The following EML5 variants were observed in gnomAD, a reference collection of about 807,000 sequenced individuals.
EML5 encodes the protein echinoderm microtubule-associated protein-like 5.
Under a neutral mutation model 250.0 loss-of-function variants are expected in EML5, and 120 were observed. The ratio of observed to expected loss-of-function variants is 0.48; its 90% CI spans 0.41 to 0.56. The LOEUF is 0.56. Among genes scored for constraint, EML5 ranks in the 20% least tolerant of loss-of-function variants. The pLI is 0.00. For missense variants in EML5, 2,006 were observed against 2,437.6 expected (o/e 0.82, Z 3.73); for synonymous variants, 771 against 806.5 (o/e 0.96, Z 0.75).
rs545183567 is a variant in EML5, at chr14:88,694,421, C to T, written c.2439-14G>A. 12 of 1,500,720 alleles carry T rather than the reference C, an allele frequency of 8.0e-6. No individual in the cohort carries two copies. The highest frequency in any genetic ancestry group is 2.4e-5 in the East Asian group (1 of 42,434). 93.0% of individuals were successfully genotyped at this position (1,500,720 alleles called of 1,614,324 possible). On this transcript the variant is annotated splice_polypyrimidine_tract_variant and intron_variant, in intron 16 of 43. Transcript: ENST00000554922. ...TCTTTACTTCCTCTGAAATAAACAT[C>T]GAAATGTTTTAGCTCTGAAGATTCA...
chr14:88,726,822 A>G (rs1298921303), intron 7 of EML5, 144 bp from the exon 8 acceptor site: 1 of 670,538 alleles, frequency 1.5e-6, no homozygotes, highest in African/African-American at 1.8e-5. Context: ...CTTATCTATG[A>G]AAATGGGAAT....
intron 21 of EML5, among the ~76,000 whole-genome samples, chr14:88,666,172 T>C (rs528481533): frequency 6.6e-6 from 1 of 152,356 alleles, no homozygotes; most frequent in Non-Finnish European, 1.5e-5. Flanking sequence ...GAGTAGGTTT[T>C]ACCTTTGTAG....
At chr14:88,780,759 G>A (rs768255320) in intron 1 of EML5, among the ~76,000 whole-genome samples, 1 of 152,074 alleles carries the variant, frequency 6.6e-6, no homozygotes, top group Non-Finnish European at 1.5e-5. Flanking sequence ...ATTTTTGGTA[G>A]AGACGGGGTT....
At chr14:88,628,318 A>G (rs1418433099) in intron 33 of EML5, among the ~76,000 whole-genome samples, 1 of 152,104 alleles carries the variant, frequency 6.6e-6, no homozygotes, top group Non-Finnish European at 1.5e-5. Flanking sequence ...ATTTTCAACC[A>G]TACAGATAGA....
At chr14:88,771,239 C>G (rs1205918766) in intron 1 of EML5, among the ~76,000 whole-genome samples, 1 of 152,190 alleles carries the variant, frequency 6.6e-6, no homozygotes, top group Non-Finnish European at 1.5e-5. Flanking sequence ...AGCACAGTTC[C>G]CCCCTATCAA....
At chr14:88,655,019 C>A (rs561309364) in intron 27 of EML5, among the ~76,000 whole-genome samples, 3 of 152,190 alleles carry the variant, frequency 2.0e-5, no homozygotes, top group Middle Eastern at 6.8e-3. Flanking sequence ...GATCCCTTTA[C>A]CATTATGTAA....
rs551888200 is a variant in EML5, at chr14:88,688,278, A to C, written c.2735T>G (p.Leu912Trp). The C allele has an allele frequency of 1.0e-4, 161 of 1,613,824 alleles. 2 individuals are homozygous for C. In the South Asian group the frequency reaches 1.7e-3, roughly 17 times the overall value. The stretch of plus-strand genomic sequence containing the variant: ...TCTCTTTAGGTTACTTACTTTTTCC[A>C]ATGCATGCATACTGAACACTGGCCC... ...HDGPVFSMHA[L>W]EKGFVTGGKD... is the part of the protein sequence containing the mutation. Residue 912 changes from leucine (L) to tryptophan (W), a missense_variant, in exon 18 of 44, where the codon TTG becomes TGG. This residue lies in a region of EML5 where 1,375 missense variants were observed against 1,590.3 expected (regional missense o/e 0.86). Coordinates refer to ENST00000554922, the MANE Select transcript of EML5 (RefSeq NM_183387.3).
intron 1 of EML5, among the ~76,000 whole-genome samples, chr14:88,770,581 A>G (rs2094381221): frequency 6.6e-6 from 1 of 152,062 alleles, no homozygotes; most frequent in South Asian, 2.1e-4. Flanking sequence ...ATTGGATAGG[A>G]GCTGAATGTA....
intron 8 of EML5, among the ~76,000 whole-genome samples, chr14:88,723,236 G>A (rs2093617220): frequency 6.6e-6 from 1 of 152,122 alleles, no homozygotes; most frequent in African/African-American, 2.4e-5. Context: ...AACACAGTGA[G>A]GCCCAGGCTC....
At chr14:88,646,922 G>C in intron 29 of EML5, 25 bp downstream of exon 29, 3 of 1,587,748 alleles carry the variant, frequency 1.9e-6, no homozygotes, top group Non-Finnish European at 2.6e-6. Flanking sequence ...GTTAGGCTTT[G>C]TAAACACAGC....
intron 27 of EML5, among the ~76,000 whole-genome samples, 188 bp from the exon 28 acceptor site, chr14:88,650,114 A>T (rs916062223): frequency 5.9e-5 from 9 of 152,214 alleles, no homozygotes; most frequent in Non-Finnish European, 1.2e-4. Flanking sequence ...AAATACTGGA[A>T]ATTTGACAAA....
intron 21 of EML5, among the ~76,000 whole-genome samples, chr14:88,668,949 G>A (rs1283043731): frequency 6.6e-6 from 1 of 151,962 alleles, no homozygotes; most frequent in South Asian, 2.1e-4. Flanking sequence ...AAAACGGCAA[G>A]TGAATCCTGC....
Position 88,685,048 on chromosome 14 carries a change from C to G in EML5, c.2949G>C (p.Val983=), listed in dbSNP as rs17204164. The change falls in exon 20 of 44, where the codon GTG becomes GTC. Residue 983 remains valine, a synonymous_variant. Transcript: ENST00000554922. ...GAAGTGTTATTGGGCCACTTTTATCCACTTCTAGTATTTCACCATTCTTTG... is the reference window on the plus strand; with the variant it reads ...GAAGTGTTATTGGGCCACTTTTATCGACTTCTAGTATTTCACCATTCTTTG... ...VGTKNGEILE[V]DKSGPITLLV... The G allele has an allele frequency of 6.2e-6, 10 of 1,608,372 alleles. No homozygotes were observed. Among genetic ancestry groups the G allele is most frequent in the Non-Finnish European group, 8.5e-6 (10 of 1,177,288 alleles).
In EML5 at chr14:88,695,349, T is replaced by G; in HGVS notation, c.2438+12A>C. The stretch of plus-strand genomic sequence containing the variant: ...AGTATTTTGCAAATGTGATATCAAG[T>G]TTTTTTCCTACCTTGCTATTGAAAG... On this transcript the variant is annotated intron_variant, in intron 16 of 43. Coordinates refer to ENST00000554922, the MANE Select transcript of EML5 (RefSeq NM_183387.3). 1 of 1,600,994 alleles carries G rather than the reference T, an allele frequency of 6.2e-7. No individual in the cohort carries two copies. Among genetic ancestry groups the G allele is most frequent in the South Asian group, 1.1e-5 (1 of 87,472 alleles).
At chr14:88,779,996 A>T (rs2140751977) in intron 1 of EML5, among the ~76,000 whole-genome samples, 1 of 152,012 alleles carries the variant, frequency 6.6e-6, no homozygotes, top group Admixed American at 6.6e-5. Context: ...GTTGCCCAGG[A>T]TGGAGTACAG....
rs990772938 is a variant in EML5, at chr14:88,770,747, A to G, written c.198-16076T>C. ...CATAATGCCTAGTATATTGCTGAAC[A>G]TATAGTAAAAACTCAACATTTATGG... is the stretch of plus-strand genomic sequence containing the variant. On this transcript the variant is annotated intron_variant, in intron 1 of 43. Coordinates refer to ENST00000554922, the MANE Select transcript of EML5 (RefSeq NM_183387.3). Among the ~76,000 whole-genome samples, 7 of 152,224 alleles carry G rather than the reference A, an allele frequency of 4.6e-5. No homozygotes were observed. In the East Asian group the frequency reaches 1.2e-3, roughly 25 times the overall value.
intron 1 of EML5, among the ~76,000 whole-genome samples, chr14:88,775,058 C>T (rs2094433915): frequency 6.6e-6 from 1 of 152,188 alleles, no homozygotes; most frequent in South Asian, 2.1e-4. Flanking sequence ...CTCCTGGCAG[C>T]ATTCACCACC....
chr14:88,754,894 C>T (rs189290006), intron 1 of EML5, among the ~76,000 whole-genome samples: 14 of 152,262 alleles, frequency 9.2e-5, no homozygotes, highest in South Asian at 4.2e-4. Flanking sequence ...ACCTCCATCC[C>T]GCCAAGTTCA....
intron 1 of EML5, among the ~76,000 whole-genome samples, chr14:88,767,813 T>C (rs1436251656): frequency 6.6e-6 from 1 of 152,192 alleles, no homozygotes; most frequent in African/African-American, 2.4e-5. Context: ...TACATAACCA[T>C]ATAGTAATCG....
Sources: allele counts gnomAD v4.1 joint callset (sites outside exome capture counted in the v4.1 genomes callset), GRCh38; gene constraint gnomAD v4.1.1; regional missense constraint gnomAD v4.1.1; transcripts MANE v1.5; gene names NCBI Gene and HGNC (gene_info 2026-07-23, HGNC 2026-07-21).